The following EDIL3 variants were observed in gnomAD, a reference collection of about 807,000 sequenced individuals.
The protein encoded by EDIL3 is EGF-like repeat and discoidin I-like domain-containing protein 3.
A neutral mutation model predicts 67.4 loss-of-function variants in EDIL3; 37 were observed. The observed-to-expected ratio is 0.55, with a 90% CI of 0.42 to 0.72. The LOEUF is 0.72. Among genes scored for constraint, EDIL3 ranks in the 30% least tolerant of loss-of-function variants. EDIL3 has a pLI of 0.00. For missense variants in EDIL3, 527 were observed against 586.3 expected, an observed-to-expected ratio of 0.90 and a Z score of 1.04; for synonymous variants, 195 against 196.3, an observed-to-expected ratio of 0.99 and a Z score of 0.05.
chr5:84,134,144 G>C (rs565649458), intron 5 of EDIL3, among the ~76,000 whole-genome samples: 1 of 152,126 alleles, frequency 6.6e-6, no homozygotes, highest in African/African-American at 2.4e-5. Flanking sequence ...GTGCTTAATA[G>C]CTAAATTAAT....
At chr5:84,303,576 G>A (rs999782327) in intron 1 of EDIL3, among the ~76,000 whole-genome samples, 2 of 152,046 alleles carry the variant, frequency 1.3e-5, no homozygotes, top group Non-Finnish European at 2.9e-5. Context: ...ACTCCCCAAT[G>A]AATTTAGAGA....
chr5:84,089,411 T>A (rs1350254572), intron 6 of EDIL3, among the ~76,000 whole-genome samples: 1 of 152,246 alleles, frequency 6.6e-6, no homozygotes. Flanking sequence ...TATTTCATCT[T>A]TTATTTTTAT....
At chr5:84,168,812 C>G (rs1748759396) in intron 4 of EDIL3, among the ~76,000 whole-genome samples, 1 of 152,210 alleles carries the variant, frequency 6.6e-6, no homozygotes, top group African/African-American at 2.4e-5. Context: ...TCTTTGCCAT[C>G]TGCCAGAATC....
chr5:83,984,951 C>CCA (rs6149090), intron 9 of EDIL3, among the ~76,000 whole-genome samples: 1,535 of 149,846 alleles, frequency 0.01, 19 homozygotes, highest in African/African-American at 0.035. Flanking sequence ...CAAACATACA[C>CCA]CACACACACA....
At chr5:83,975,187 T>C (rs373595863) in intron 9 of EDIL3, among the ~76,000 whole-genome samples, 3 of 152,142 alleles carry the variant, frequency 2.0e-5, no homozygotes, top group Admixed American at 1.3e-4. Flanking sequence ...ATGCTTAGAC[T>C]TTACTTCTTT....
At chr5:84,334,412 A>G (rs1746944293) in intron 1 of EDIL3, among the ~76,000 whole-genome samples, 1 of 152,158 alleles carries the variant, frequency 6.6e-6, no homozygotes. Flanking sequence ...TGAAAAAATG[A>G]AAAGTTTGTC....
At chr5:84,161,594 A>G (rs1460694817) in intron 4 of EDIL3, among the ~76,000 whole-genome samples, 2 of 152,110 alleles carry the variant, frequency 1.3e-5, no homozygotes, top group African/African-American at 4.8e-5. Flanking sequence ...ATTTCTAGGT[A>G]ATAAAAATGC....
intron 1 of EDIL3, among the ~76,000 whole-genome samples, chr5:84,300,102 T>C (rs1463399061): frequency 6.6e-6 from 1 of 152,214 alleles, no homozygotes; most frequent in Non-Finnish European, 1.5e-5. Context: ...CAGTACTCAC[T>C]GGATTAATAT....
chr5:84,367,579 C>T (rs557666880), intron 1 of EDIL3, among the ~76,000 whole-genome samples: 3 of 152,124 alleles, frequency 2.0e-5, no homozygotes, highest in East Asian at 3.9e-4. Context: ...GTCAGGAGTA[C>T]AAGACTAGCC....
chr5:84,252,493 CAAAAAAA>C lies in EDIL3; in HGVS notation c.196+1584_196+1590del, dbSNP rs70975548. On this transcript the variant is annotated intron_variant, in intron 2 of 10. Transcript: ENST00000296591. ...TGTGCGACAAAGTGAGACTCCGTCTCAAAAAAAAAAAAAAAAAAAAAAAAATTCTGCT... is the reference window on the plus strand; with the variant it reads ...TGTGCGACAAAGTGAGACTCCGTCTCAAAAAAAAAAAAAAAAAATTCTGCT... Among the ~76,000 whole-genome samples, 87 of 28,948 alleles carry C rather than the reference CAAAAAAA, an allele frequency of 3.0e-3. 3 individuals carry two copies. Among genetic ancestry groups the C allele is most frequent in the African/African-American group, 0.011 (79 of 7,344 alleles). The allele number at this position is 28,948 out of a possible 152,430, so 19.0% of individuals were successfully genotyped here.
chr5:84,225,315 T>C (rs770979732), intron 3 of EDIL3, among the ~76,000 whole-genome samples: 4 of 151,690 alleles, frequency 2.6e-5, no homozygotes, highest in Non-Finnish European at 4.4e-5. Context: ...AACTTGCTAT[T>C]TGCAAGGCAA....
At chr5:84,199,822 C>T (rs917140899) in intron 3 of EDIL3, among the ~76,000 whole-genome samples, 6 of 151,916 alleles carry the variant, frequency 3.9e-5, no homozygotes, top group African/African-American at 1.4e-4. Context: ...AACTCAGCTG[C>T]GTTTAAAGCT....
intron 6 of EDIL3, among the ~76,000 whole-genome samples, chr5:84,102,937 G>T (rs1747393967): frequency 6.6e-6 from 1 of 151,982 alleles, no homozygotes; most frequent in African/African-American, 2.4e-5. Context: ...CCAAAAGCTA[G>T]AAGTATCACA....
At chr5:84,384,243 C>G in intron 1 of EDIL3, 65 bp downstream of exon 1, 2 of 1,552,624 alleles carry the variant, frequency 1.3e-6, no homozygotes, top group Non-Finnish European at 1.7e-6. Context: ...CGGCCCCCTG[C>G]GCGGCGTTTC....
Position 84,284,243 on chromosome 5 carries a change from G to A in EDIL3, c.68-30031C>T, listed in dbSNP as rs186443474. Among the ~76,000 whole-genome samples the A allele has an allele frequency of 5.6e-4, 86 of 152,220 alleles. 1 individual carries two copies. The highest frequency in any genetic ancestry group is 3.5e-3 in the Admixed American group (53 of 15,274). ...GTCAATATTTGTAAATATTCTGTAT[G>A]TATATGTTTATTCTACTTTTAGCTC... On this transcript the variant is annotated intron_variant, in intron 1 of 10. Transcript: ENST00000296591.
At chr5:84,262,659 G>GTTTTTTTTTTT (rs773035274) in intron 1 of EDIL3, among the ~76,000 whole-genome samples, 1,442 of 46,312 alleles carry the variant, frequency 0.031, 477 homozygotes, top group Non-Finnish European at 0.039. Context: ...AGGTTGGTTG[G>GTTTTTTTTTTT]TTTTTTTTTT....
intron 1 of EDIL3, among the ~76,000 whole-genome samples, chr5:84,383,949 G>T (rs1314448748): frequency 6.6e-6 from 1 of 152,108 alleles, no homozygotes; most frequent in East Asian, 1.9e-4. Flanking sequence ...CCTGCCCGAC[G>T]TCTGCAGTCA....
rs1156833629 is a variant in EDIL3, at chr5:84,153,304, A to AT, written c.356-15951dup. Among the ~76,000 whole-genome samples, 21 of 151,898 alleles carry AT rather than the reference A, an allele frequency of 1.4e-4. No homozygotes were observed. The South Asian group carries it at 1.5e-3, about 11-fold the overall frequency. ...CTATTGTTATTATTCTTTTATTATTATTATTTTTTTGAGATGGAGTCTCAT... is the reference window on the plus strand; with the variant it reads ...CTATTGTTATTATTCTTTTATTATTATTTATTTTTTTGAGATGGAGTCTCAT... On this transcript the variant is annotated intron_variant, in intron 4 of 10. Transcript: ENST00000296591.
intron 2 of EDIL3, among the ~76,000 whole-genome samples, chr5:84,249,750 G>T (rs1262039658): frequency 1.3e-5 from 2 of 152,028 alleles, no homozygotes; most frequent in Admixed American, 6.6e-5. Flanking sequence ...TTATGCCACA[G>T]AACTTGTACA....
Sources: allele counts gnomAD v4.1 joint callset (sites outside exome capture counted in the v4.1 genomes callset), GRCh38; gene constraint gnomAD v4.1.1; transcripts MANE v1.5; gene names NCBI Gene and HGNC (gene_info 2026-07-23, HGNC 2026-07-21).